Variants in GALNT13 observed in about 807,000 individuals in gnomAD.
GALNT13 encodes UDP-GalNAc:polypeptide N-acetylgalactosaminyltransferase 13.
In GALNT13, 28 loss-of-function variants were observed where a neutral mutation model predicts 64.2. The observed-to-expected ratio is 0.44, with a 90% CI of 0.32 to 0.60. The LOEUF is 0.60. Among genes scored for constraint, GALNT13 ranks in the 20% least tolerant of loss-of-function variants. The pLI is 0.05. For synonymous variants in GALNT13, 214 were observed against 224.6 expected, an observed-to-expected ratio of 0.95 and a Z score of 0.42; for missense variants, 577 against 669.8, an observed-to-expected ratio of 0.86 and a Z score of 1.53.
chr2:154,108,058 A>G (rs1405334656), intron 3 of GALNT13, among the ~76,000 whole-genome samples: 1 of 152,118 alleles, frequency 6.6e-6, no homozygotes, highest in Non-Finnish European at 1.5e-5. Flanking sequence ...GTGCTGCAAC[A>G]TACATGGGGG....
chr2:153,219,582 A>T, the GALNT13 span, among the ~76,000 whole-genome samples: 1 of 152,206 alleles, frequency 6.6e-6, no homozygotes, highest in Non-Finnish European at 1.5e-5. Context: ...ACCACTTCAG[A>T]CTGTGTTGAT....
At chr2:153,841,741 T>C in the GALNT13 span, among the ~76,000 whole-genome samples, 1 of 152,180 alleles carries the variant, frequency 6.6e-6, no homozygotes, top group Admixed American at 6.6e-5. Context: ...GTATTATGGT[T>C]TGATCTCAAG....
intron 9 of GALNT13, among the ~76,000 whole-genome samples, chr2:154,332,137 A>G (rs900745363): frequency 1.5e-4 from 23 of 152,134 alleles, no homozygotes; most frequent in African/African-American, 5.3e-4. Context: ...GTATCTTTAT[A>G]TACCCTTATG....
chr2:153,318,070 A>G, the GALNT13 span, among the ~76,000 whole-genome samples: 3 of 152,024 alleles, frequency 2.0e-5, no homozygotes, highest in Non-Finnish European at 4.4e-5. Flanking sequence ...TCTAAAAGAA[A>G]ACATGTGCTA....
the GALNT13 span, among the ~76,000 whole-genome samples, chr2:153,464,648 G>C: frequency 6.6e-6 from 1 of 152,000 alleles, no homozygotes; most frequent in African/African-American, 2.4e-5. Flanking sequence ...AATGCTGATT[G>C]CAGTGACTTT....
chr2:153,516,976 T>A, the GALNT13 span, among the ~76,000 whole-genome samples: 1 of 152,150 alleles, frequency 6.6e-6, no homozygotes, highest in Non-Finnish European at 1.5e-5. Context: ...CTTTATTTTT[T>A]AATTAGTAAC....
At chr2:153,968,959 T>G (rs1008295376) in intron 3 of GALNT13, among the ~76,000 whole-genome samples, 1 of 60,688 alleles carries the variant, frequency 1.6e-5, no homozygotes, top group African/African-American at 6.7e-5. Context: ...TGAGTTTTTC[T>G]TTTTTTAGTT....
chr2:154,326,087 G>C (rs566422146), intron 9 of GALNT13, among the ~76,000 whole-genome samples: 2 of 152,152 alleles, frequency 1.3e-5, no homozygotes, highest in East Asian at 3.9e-4. Context: ...CCCCATTCCA[G>C]GCCCACAGCA....
chr2:153,562,626 G>C, the GALNT13 span, among the ~76,000 whole-genome samples: 1 of 151,774 alleles, frequency 6.6e-6, no homozygotes, highest in African/African-American at 2.4e-5. Flanking sequence ...TTCTTGGTGG[G>C]CTTCCTCTCT....
the GALNT13 span, among the ~76,000 whole-genome samples, chr2:153,418,574 G>A: frequency 6.6e-6 from 1 of 152,186 alleles, no homozygotes; most frequent in Non-Finnish European, 1.5e-5. Context: ...CTGCTTATAG[G>A]TCAAGTAAGA....
At chr2:154,134,635 A>G (rs1186968851) in intron 3 of GALNT13, among the ~76,000 whole-genome samples, 3 of 152,220 alleles carry the variant, frequency 2.0e-5, no homozygotes, top group Admixed American at 6.5e-5. Context: ...CCATTAGAAA[A>G]TAAGTATGGA....
At chr2:154,408,104 A>G (rs1171760468) in intron 10 of GALNT13, among the ~76,000 whole-genome samples, 2 of 152,134 alleles carry the variant, frequency 1.3e-5, no homozygotes, top group Non-Finnish European at 2.9e-5. Flanking sequence ...ACAAGCATAA[A>G]TACATACTTG....
chr2:153,776,967 A>G, the GALNT13 span, among the ~76,000 whole-genome samples: 40 of 152,162 alleles, frequency 2.6e-4, no homozygotes, highest in African/African-American at 9.7e-4. Flanking sequence ...TGGTTCTACC[A>G]TTTCTTGTCT....
chr2:153,813,786 C>T, the GALNT13 span, among the ~76,000 whole-genome samples: 1 of 152,144 alleles, frequency 6.6e-6, no homozygotes, highest in Non-Finnish European at 1.5e-5. Context: ...CATATCATGA[C>T]TTTAACAACT....
At chr2:154,112,025 G>A (rs1043019609) in intron 3 of GALNT13, among the ~76,000 whole-genome samples, 2 of 152,202 alleles carry the variant, frequency 1.3e-5, no homozygotes, top group African/African-American at 4.8e-5. Context: ...AGCCTTGGCA[G>A]AAGCATTGCA....
chr2:154,274,395 G>C (rs1449036220), intron 8 of GALNT13, among the ~76,000 whole-genome samples: 1 of 152,142 alleles, frequency 6.6e-6, no homozygotes, highest in Non-Finnish European at 1.5e-5. Flanking sequence ...TGTACTCTCA[G>C]TTTACAAAGT....
chr2:153,432,570 T>C, the GALNT13 span, among the ~76,000 whole-genome samples: 4 of 152,232 alleles, frequency 2.6e-5, 1 homozygote, highest in Admixed American at 2.6e-4. Flanking sequence ...AATACACACT[T>C]GGGTTTCAAG....
chr2:153,623,047 A>G, the GALNT13 span, among the ~76,000 whole-genome samples: 1 of 152,136 alleles, frequency 6.6e-6, no homozygotes, highest in Non-Finnish European at 1.5e-5. Context: ...TGATATGGAT[A>G]TTGTGACTTC....
chr2:153,701,986 A>C, the GALNT13 span, among the ~76,000 whole-genome samples: 5 of 152,308 alleles, frequency 3.3e-5, no homozygotes, highest in African/African-American at 1.2e-4. Flanking sequence ...CTGGGTATAT[A>C]CCCAAGGGAA....
Sources: gnomAD v4.1 joint callset for allele counts (sites outside exome capture counted in the v4.1 genomes callset) on GRCh38, gnomAD v4.1.1 for gene constraint, MANE v1.5 for transcripts, NCBI Gene and HGNC (gene_info 2026-07-23, HGNC 2026-07-21) for gene names.